LINGO2: variants seen among roughly 807,000 people sequenced by gnomAD.
LINGO2 encodes leucine-rich repeat and immunoglobulin-like domain-containing nogo receptor-interacting protein 2.
In LINGO2, 14 loss-of-function variants were observed where a neutral mutation model predicts 30.6. The ratio of observed to expected loss-of-function variants is 0.46; its 90% CI spans 0.30 to 0.72. The LOEUF (loss-of-function observed/expected upper bound fraction) is 0.72, where lower values mean the gene tolerates loss of function less well. LINGO2 is among the 30% of genes least tolerant of loss of function. The pLI is 0.07. For synonymous variants in LINGO2, 317 were observed against 288.5 expected (o/e 1.10, Z -1.00); for missense variants, 729 against 751.7 (o/e 0.97, Z 0.35).
At chr9:29,020,079 T>G in the LINGO2 span, among the ~76,000 whole-genome samples, 1 of 152,218 alleles carries the variant, frequency 6.6e-6, no homozygotes, top group African/African-American at 2.4e-5. Flanking sequence ...TACTCCCGTT[T>G]GCAGTTTAAT....
intron 5 of LINGO2, among the ~76,000 whole-genome samples, chr9:27,970,822 T>C (rs921066947): frequency 6.6e-6 from 1 of 151,880 alleles, no homozygotes; most frequent in African/African-American, 2.4e-5. Flanking sequence ...TGGTATGCTA[T>C]GGAAACAGAG....
At chr9:28,722,565 C>T in the LINGO2 span, among the ~76,000 whole-genome samples, 1 of 152,098 alleles carries the variant, frequency 6.6e-6, no homozygotes, top group African/African-American at 2.4e-5. Context: ...AAAGGCCTAT[C>T]TGACAGTGTC....
chr9:28,578,770 C>T (rs936790563), intron 1 of LINGO2, among the ~76,000 whole-genome samples: 7 of 152,138 alleles, frequency 4.6e-5, no homozygotes, highest in African/African-American at 1.7e-4. Context: ...TCAGTATAAC[C>T]TTAACTGTGA....
chr9:28,529,477 G>A (rs946740636), intron 1 of LINGO2, among the ~76,000 whole-genome samples: 6 of 152,018 alleles, frequency 3.9e-5, no homozygotes, highest in African/African-American at 1.4e-4. Context: ...AATAAACAAT[G>A]TGAAATGTCA....
chr9:28,594,884 A>G (rs1364984997), intron 1 of LINGO2, among the ~76,000 whole-genome samples: 1 of 152,078 alleles, frequency 6.6e-6, no homozygotes, highest in Admixed American at 6.6e-5. Context: ...CTGATTTTTC[A>G]TGTGTGAAAT....
rs75403020 is a variant in LINGO2 at position 28,463,320 on chromosome 9, G to A, written c.-279+12620C>T. 5.0e-3 allele frequency among the ~76,000 whole-genome samples: 759 copies of A among 151,994 alleles called. 11 individuals are homozygous for A. In the East Asian group the frequency reaches 0.067, roughly 13 times the overall value. On this transcript the variant is annotated intron_variant, in intron 2 of 5. Coordinates refer to ENST00000379992, the Ensembl canonical transcript of LINGO2. ...TTTGTCTGATGCCTGAACTATAATC[G>A]ATTTTTTGAATGAGTGGGATGGCAG...
chr9:28,958,228 G>A, the LINGO2 span, among the ~76,000 whole-genome samples: 1 of 152,144 alleles, frequency 6.6e-6, no homozygotes, highest in East Asian at 1.9e-4. Flanking sequence ...GGGAGCTGCA[G>A]CTGTATTTAA....
At chr9:28,172,117 C>T (rs1012356215) in intron 4 of LINGO2, among the ~76,000 whole-genome samples, 3 of 148,068 alleles carry the variant, frequency 2.0e-5, no homozygotes, top group Admixed American at 1.4e-4. Context: ...CACGGCCCGG[C>T]GCGGTGGCTC....
At chr9:29,212,622 A>G in the LINGO2 span, among the ~76,000 whole-genome samples, 1 of 128,712 alleles carries the variant, frequency 7.8e-6, no homozygotes, top group African/African-American at 2.9e-5. Context: ...CCTCTCTGGT[A>G]AAAAAACGAA....
At chr9:28,773,578 TC>T in the LINGO2 span, among the ~76,000 whole-genome samples, 3 of 152,126 alleles carry the variant, frequency 2.0e-5, no homozygotes, top group Non-Finnish European at 2.9e-5. Flanking sequence ...TCCTTCCAAA[TC>T]CCACTGCAGG....
At chr9:28,904,973 G>A in the LINGO2 span, among the ~76,000 whole-genome samples, 2 of 151,836 alleles carry the variant, frequency 1.3e-5, no homozygotes, top group Non-Finnish European at 2.9e-5. Flanking sequence ...ATAAATCCAC[G>A]CATTTATAGA....
At chr9:28,965,637 A>C in the LINGO2 span, among the ~76,000 whole-genome samples, 1 of 152,084 alleles carries the variant, frequency 6.6e-6, no homozygotes, top group Non-Finnish European at 1.5e-5. Context: ...CATAACATAC[A>C]GTTAATTCAA....
At chr9:28,991,105 T>A in the LINGO2 span, among the ~76,000 whole-genome samples, 1 of 152,100 alleles carries the variant, frequency 6.6e-6, no homozygotes, top group Non-Finnish European at 1.5e-5. Context: ...GCAAAGAAGT[T>A]AAAAACTATC....
chr9:27,992,610 A>G (rs1821452596), intron 5 of LINGO2, among the ~76,000 whole-genome samples: 1 of 152,140 alleles, frequency 6.6e-6, no homozygotes, highest in African/African-American at 2.4e-5. Flanking sequence ...AACTAATTTA[A>G]TAATATAAAG....
the LINGO2 span, among the ~76,000 whole-genome samples, chr9:29,174,976 G>A: frequency 2.0e-5 from 3 of 152,142 alleles, no homozygotes; most frequent in African/African-American, 7.2e-5. Flanking sequence ...TAAAATAATG[G>A]TGGGCTGGGT....
chr9:29,189,197 C>A, the LINGO2 span, among the ~76,000 whole-genome samples: 2 of 148,446 alleles, frequency 1.3e-5, no homozygotes, highest in African/African-American at 5.0e-5. Context: ...CAGAGGGGCT[C>A]CTCACTTCCC....
the LINGO2 span, among the ~76,000 whole-genome samples, chr9:28,773,160 T>C: frequency 6.6e-6 from 1 of 152,062 alleles, no homozygotes; most frequent in East Asian, 1.9e-4. Flanking sequence ...CGTCAGGAGA[T>C]CGAGACTGTC....
chr9:28,094,710 G>C (rs1023497120), intron 4 of LINGO2, among the ~76,000 whole-genome samples: 2 of 152,032 alleles, frequency 1.3e-5, no homozygotes, highest in African/African-American at 4.8e-5. Context: ...ATTAGAACAA[G>C]TGTTCAATTT....
chr9:28,024,726 T>C (rs1823294507), intron 4 of LINGO2, among the ~76,000 whole-genome samples: 1 of 152,174 alleles, frequency 6.6e-6, no homozygotes, highest in Non-Finnish European at 1.5e-5. Context: ...TTCATGGATA[T>C]CCTCATTCAT....
Sources: gnomAD v4.1 joint callset for allele counts (sites outside exome capture counted in the v4.1 genomes callset) on GRCh38, gnomAD v4.1.1 for gene constraint, MANE v1.5 for transcripts, NCBI Gene and HGNC (gene_info 2026-07-23, HGNC 2026-07-21) for gene names.